The following DAB1 variants were observed in gnomAD, a reference collection of about 807,000 sequenced individuals.
The protein encoded by DAB1 is disabled homolog 1.
In DAB1, 15 loss-of-function variants were observed where a neutral mutation model predicts 64.6. The observed-to-expected ratio is 0.23, with a 90% CI of 0.16 to 0.36. DAB1 has a LOEUF of 0.36. Ranked by LOEUF, DAB1 falls within the 10% of genes least tolerant of loss-of-function variation. The probability of loss-of-function intolerance (pLI) is 1.00; values close to 1 mark genes in which losing one functional copy is unlikely to be tolerated. For missense variants in DAB1, 596 were observed against 706.7 expected, an observed-to-expected ratio of 0.84 and a Z score of 1.78; for synonymous variants, 235 against 251.9, an observed-to-expected ratio of 0.93 and a Z score of 0.64.
At chr1:57,586,186 G>C (rs1294458094) in intron 7 of DAB1, among the ~76,000 whole-genome samples, 1 of 152,176 alleles carries the variant, frequency 6.6e-6, no homozygotes, top group Middle Eastern at 3.2e-3. Flanking sequence ...TCTATGCTCA[G>C]AATAGTGGGA....
intron 4 of DAB1, among the ~76,000 whole-genome samples, chr1:58,255,426 TTC>T (rs66613225): frequency 0.12 from 18,332 of 149,026 alleles, 1,347 homozygotes; most frequent in Admixed American, 0.19. Context: ...TGCTTGTTCA[TTC>T]TCTCTCTCTC....
intron 1 of DAB1, among the ~76,000 whole-genome samples, chr1:57,385,067 T>C (rs1681699792): frequency 6.6e-6 from 1 of 152,212 alleles, no homozygotes; most frequent in Non-Finnish European, 1.5e-5. Flanking sequence ...TCACTGATAA[T>C]GAACAATACA....
chr1:57,296,919 T>G (rs970706872), intron 1 of DAB1, among the ~76,000 whole-genome samples: 4 of 152,254 alleles, frequency 2.6e-5, no homozygotes, highest in Non-Finnish European at 2.9e-5. Flanking sequence ...GGTCTTAAAC[T>G]GTCTTCGCAC....
intron 1 of DAB1, among the ~76,000 whole-genome samples, chr1:57,309,209 C>T (rs1040984746): frequency 1.3e-5 from 2 of 152,082 alleles, no homozygotes; most frequent in South Asian, 2.1e-4. Flanking sequence ...TTAGAAAGAT[C>T]GAATGCTTTG....
At chr1:57,882,828 G>T (rs901701474) in intron 1 of DAB1, among the ~76,000 whole-genome samples, 5 of 152,140 alleles carry the variant, frequency 3.3e-5, no homozygotes, top group Non-Finnish European at 7.3e-5. Context: ...CCTGGTGAAA[G>T]AAACCTGTCA....
chr1:58,425,399 T>C (rs1224302866), intron 3 of DAB1, among the ~76,000 whole-genome samples: 1 of 152,226 alleles, frequency 6.6e-6, no homozygotes, highest in East Asian at 1.9e-4. Context: ...TAGGCTAGCT[T>C]TGTGTGCCAG....
chr1:57,137,545 C>G (rs1270022426), intron 3 of DAB1, among the ~76,000 whole-genome samples: 1 of 151,878 alleles, frequency 6.6e-6, no homozygotes, highest in Non-Finnish European at 1.5e-5. Flanking sequence ...TACTAGGGTA[C>G]AACTCGGGAG....
At chr1:57,897,699 T>C (rs987577615) in intron 5 of DAB1, among the ~76,000 whole-genome samples, 42 of 152,124 alleles carry the variant, frequency 2.8e-4, no homozygotes, top group African/African-American at 9.9e-4. Context: ...CAAAGATGGA[T>C]GGAAGAGTAG....
intron 2 of DAB1, among the ~76,000 whole-genome samples, chr1:57,277,525 T>C (rs1671561193): frequency 6.6e-6 from 1 of 152,184 alleles, no homozygotes; most frequent in Non-Finnish European, 1.5e-5. Flanking sequence ...CCTTAGCAAG[T>C]TGCACGATTC....
chr1:57,637,248 T>C (rs1570694478), intron 7 of DAB1, among the ~76,000 whole-genome samples: 2 of 152,192 alleles, frequency 1.3e-5, no homozygotes, highest in Admixed American at 1.3e-4. Context: ...TAACTATGTG[T>C]TGGGAATTGT....
chr1:57,157,324 T>C (rs1660323074), intron 2 of DAB1, among the ~76,000 whole-genome samples: 1 of 152,192 alleles, frequency 6.6e-6, no homozygotes, highest in South Asian at 2.1e-4. Context: ...AGCTGAGTAT[T>C]CACTTCTGTG....
chr1:58,005,732 A>G lies in DAB1; in HGVS notation n.388-121570T>C, dbSNP rs117426492. Among the ~76,000 whole-genome samples, 319 of 152,270 alleles carry G rather than the reference A, an allele frequency of 2.1e-3. 5 individuals carry two copies. In the East Asian group the frequency reaches 0.053, roughly 25 times the overall value. Reference sequence around the variant, plus strand: ...ACAGGAGCTTAACTGCACTCCAGTCAAATTGGTTAATTAATAATAATAATA... The same window carrying G: ...ACAGGAGCTTAACTGCACTCCAGTCGAATTGGTTAATTAATAATAATAATA... On this transcript the variant is annotated intron_variant and non_coding_transcript_variant, in intron 5 of 20. Transcript: ENST00000485760.
chr1:57,523,572 A>C (rs1383501015), intron 7 of DAB1, among the ~76,000 whole-genome samples: 1 of 152,304 alleles, frequency 6.6e-6, no homozygotes, highest in Non-Finnish European at 1.5e-5. Flanking sequence ...GAAAAGGCAT[A>C]ATTTTAAAAG....
chr1:57,502,220 T>G (rs1242162283), intron 7 of DAB1, among the ~76,000 whole-genome samples: 1 of 148,160 alleles, frequency 6.7e-6, no homozygotes, highest in Non-Finnish European at 1.5e-5. Context: ...CTCAGGAGGC[T>G]GAGGCAGGAG....
At chr1:58,328,127 C>T (rs1662880264) in intron 4 of DAB1, among the ~76,000 whole-genome samples, 1 of 152,224 alleles carries the variant, frequency 6.6e-6, no homozygotes, top group African/African-American at 2.4e-5. Flanking sequence ...TGCATTGCAG[C>T]CCAACTTCTC....
At chr1:58,223,953 T>C (rs1270277889) in intron 4 of DAB1, among the ~76,000 whole-genome samples, 2 of 152,224 alleles carry the variant, frequency 1.3e-5, no homozygotes, top group Non-Finnish European at 2.9e-5. Flanking sequence ...CCCTAGCTTT[T>C]TACCTTGGCC....
At chr1:58,056,404 C>G (rs1258967307) in intron 5 of DAB1, 1 of 1,568,530 alleles carries the variant, frequency 6.4e-7, no homozygotes, top group African/African-American at 1.3e-5. Context: ...GCATCGGGCA[C>G]AGTTAGTGCA....
intron 6 of DAB1, among the ~76,000 whole-genome samples, chr1:57,751,432 AG>A (rs1297140269): frequency 6.6e-6 from 1 of 151,916 alleles, no homozygotes; most frequent in African/African-American, 2.4e-5. Context: ...CAGCAACTGG[AG>A]GGGGATGCTA....
At chr1:58,506,018 T>TA (rs1441619085) in intron 3 of DAB1, 2 of 806,150 alleles carry the variant, frequency 2.5e-6, no homozygotes, top group Admixed American at 1.8e-5. Context: ...AAATAAATGA[T>TA]ACAGTAAAAA....
Sources: allele counts gnomAD v4.1 joint callset (sites outside exome capture counted in the v4.1 genomes callset), GRCh38; gene constraint gnomAD v4.1.1; transcripts MANE v1.5; gene names NCBI Gene and HGNC (gene_info 2026-07-23, HGNC 2026-07-21).